PPIG: variants seen among roughly 807,000 people sequenced by gnomAD.
PPIG encodes the protein peptidyl-prolyl cis-trans isomerase G.
A neutral mutation model predicts 87.9 loss-of-function variants in PPIG; 26 were observed. The observed-to-expected ratio is 0.30, with a 90% CI of 0.22 to 0.41. PPIG has a LOEUF of 0.41. Among genes scored for constraint, PPIG ranks in the 10% least tolerant of loss-of-function variants. PPIG has a pLI of 1.00. For missense variants in PPIG, 722 were observed against 879.4 expected (o/e 0.82, Z 2.26); for synonymous variants, 308 against 276.5 (o/e 1.11, Z -1.13).
chr2:169,585,019 C>T lies in PPIG; in HGVS notation c.-70+529C>T, dbSNP rs563983075. The stretch of plus-strand genomic sequence containing the variant: ...ATTAAAATTGAAGACTAGCTTTCCT[C>T]CTCTTTCGACCTTTTCCTCTCACAG... On this transcript the variant is annotated intron_variant, in intron 1 of 13. Transcript: ENST00000260970. The T allele has an allele frequency of 6.9e-5, 11 of 159,970 alleles. No homozygotes were observed. The South Asian group carries it at 1.2e-3, about 17-fold the overall frequency. 9.9% of individuals were successfully genotyped at this position (159,970 alleles called of 1,614,324 possible). A position where few individuals can be genotyped will look rare whatever the true frequency, so the allele number is the denominator to read the frequency against.
In PPIG at chr2:169,636,527, GA is replaced by G; in HGVS notation, c.1271del (p.Lys424ArgfsTer29). Reference protein sequence around the residue: ...ESPNRKNEKEKKVKDHKSNSK... With the variant: ...ESPNRKNEKEXKVKDHKSNSK... ...GTCCAAACAGAAAAAATGAAAAGGA[GA>G]AGAAAGTTAAAGACCATAAATCTAA... On this transcript the variant is annotated frameshift_variant, in exon 14 of 14. Transcript: ENST00000260970. LOFTEE classifies it high-confidence loss of function. The G allele has an allele frequency of 6.2e-7, 1 of 1,609,860 alleles. No individual in the cohort carries two copies. The highest frequency in any genetic ancestry group is 1.7e-4 in the Middle Eastern group (1 of 6,026).
intron 9 of PPIG, among the ~76,000 whole-genome samples, chr2:169,629,512 C>T (rs1574462986): frequency 6.6e-6 from 1 of 152,178 alleles, no homozygotes; most frequent in African/African-American, 2.4e-5. Context: ...AATTCCCTCA[C>T]CATCTTGTTT....
At chr2:169,597,500 TTC>T (rs1192235056) in intron 1 of PPIG, among the ~76,000 whole-genome samples, 16 of 115,986 alleles carry the variant, frequency 1.4e-4, no homozygotes, top group African/African-American at 4.4e-4. Flanking sequence ...TCCTTTTCTT[TTC>T]TTTTTTTTTT....
intron 1 of PPIG, among the ~76,000 whole-genome samples, chr2:169,594,223 C>G (rs1684952097): frequency 6.7e-6 from 1 of 149,766 alleles, no homozygotes; most frequent in South Asian, 2.1e-4. Flanking sequence ...TCTTAAATTT[C>G]AAAGGAGTTG....
intron 1 of PPIG, among the ~76,000 whole-genome samples, chr2:169,593,050 C>T (rs147052905): frequency 6.6e-6 from 1 of 152,068 alleles, no homozygotes; most frequent in East Asian, 1.9e-4. Flanking sequence ...AAGAGTGTAT[C>T]CTTGAGTGAT....
intron 9 of PPIG, among the ~76,000 whole-genome samples, chr2:169,616,795 G>A (rs991032738): frequency 1.3e-5 from 2 of 152,106 alleles, no homozygotes; most frequent in African/African-American, 4.8e-5. Context: ...CATTCTATAG[G>A]TTGCCTGTTC....
At chr2:169,586,674 G>A (rs186288440) in intron 1 of PPIG, among the ~76,000 whole-genome samples, 2 of 152,320 alleles carry the variant, frequency 1.3e-5, no homozygotes, top group African/African-American at 2.4e-5. Flanking sequence ...GAAAGTGGAA[G>A]CCATTCATAA....
rs145296584 is a variant in PPIG at position 169,636,321 on chromosome 2, T to C, written c.1155-92T>C. 3.5e-5 allele frequency: 52 copies of C among 1,473,422 alleles called. No homozygotes were observed. In the African/African-American group the frequency reaches 5.3e-4, roughly 15 times the overall value. The allele number at this position is 1,473,422 out of a possible 1,614,324, so 91.3% of individuals were successfully genotyped here. On this transcript the variant is annotated intron_variant, in intron 13 of 13. Transcript: ENST00000260970. Reference sequence around the variant, plus strand: ...TATTGTCATTTTAGTTATTGCTGAATACCTTAAGAAAAGTAGAATATCATT... The same window carrying C: ...TATTGTCATTTTAGTTATTGCTGAACACCTTAAGAAAAGTAGAATATCATT...
At chr2:169,613,230 GA>G (rs1341884020) in intron 7 of PPIG, among the ~76,000 whole-genome samples, 1 of 152,158 alleles carries the variant, frequency 6.6e-6, no homozygotes, top group Non-Finnish European at 1.5e-5. Flanking sequence ...ATTTCTAGGT[GA>G]TTTTAGTGAG....
intron 9 of PPIG, among the ~76,000 whole-genome samples, chr2:169,627,077 A>G (rs903022808): frequency 7.2e-5 from 11 of 152,038 alleles, no homozygotes; most frequent in African/African-American, 2.7e-4. Context: ...AAAAACAGTT[A>G]TAAATCTCTT....
intron 9 of PPIG, among the ~76,000 whole-genome samples, chr2:169,624,739 C>A (rs756556737): frequency 6.6e-6 from 1 of 152,224 alleles, no homozygotes; most frequent in South Asian, 2.1e-4. Context: ...AGGCGCCCAC[C>A]ACCACGCCCG....
intron 9 of PPIG, among the ~76,000 whole-genome samples, chr2:169,618,942 G>T (rs577636886): frequency 3.7e-4 from 56 of 151,260 alleles, no homozygotes; most frequent in Admixed American, 8.6e-4. Context: ...GTTTGCTCTT[G>T]CTTCTCTAGT....
intron 5 of PPIG, among the ~76,000 whole-genome samples, chr2:169,606,504 A>G (rs1056876049): frequency 6.7e-6 from 1 of 150,066 alleles, no homozygotes; most frequent in Non-Finnish European, 1.5e-5. Context: ...AGGCAGGAGA[A>G]TGGCTTGAAC....
chr2:169,607,217 A>T (rs934273115), intron 6 of PPIG, 69 bp downstream of exon 6: 122 of 992,832 alleles, frequency 1.2e-4, no homozygotes, highest in Non-Finnish European at 1.7e-4. Context: ...TCTCTATGGA[A>T]TCAATAACAT....
chr2:169,601,179 T>C (rs964363489), intron 1 of PPIG, among the ~76,000 whole-genome samples: 2 of 152,210 alleles, frequency 1.3e-5, no homozygotes, highest in Admixed American at 1.3e-4. Context: ...TAAATAGCAT[T>C]TTATACCGTA....
chr2:169,596,395 G>A (rs1453013168), intron 1 of PPIG, among the ~76,000 whole-genome samples: 1 of 152,058 alleles, frequency 6.6e-6, no homozygotes, highest in South Asian at 2.1e-4. Context: ...GTGAGCCTTC[G>A]CACCCGGCCG....
At chr2:169,604,327 GTTTTTTTTTTTTTT>G (rs71006008) in intron 4 of PPIG, 66 bp downstream of exon 4, 12 of 347,438 alleles carry the variant, frequency 3.5e-5, no homozygotes, top group Non-Finnish European at 5.7e-5. Flanking sequence ...TGCTTGCTTG[GTTTTTTTTTTTTTT>G]TTTTTTTTTT....
chr2:169,589,666 G>A (rs1684805337), intron 1 of PPIG, among the ~76,000 whole-genome samples: 1 of 151,950 alleles, frequency 6.6e-6, no homozygotes. Context: ...TTTTGGGGGG[G>A]GTTGTTTTTT....
At chr2:169,608,454 C>CA (rs146131253) in intron 6 of PPIG, among the ~76,000 whole-genome samples, 4,136 of 151,618 alleles carry the variant, frequency 0.027, 77 homozygotes, top group East Asian at 0.1. Flanking sequence ...TGGGCCACTG[C>CA]ACTCCAGCCT....
Sources: allele counts gnomAD v4.1 joint callset (sites outside exome capture counted in the v4.1 genomes callset), GRCh38; gene constraint gnomAD v4.1.1; transcripts MANE v1.5; gene names NCBI Gene and HGNC (gene_info 2026-07-23, HGNC 2026-07-21).